Variants in EIPR1 observed in about 807,000 individuals in gnomAD.
EIPR1 encodes the protein EARP and GARP complex-interacting protein 1.
EIPR1 carries 25 observed loss-of-function variants against 48.1 expected under a neutral mutation model. The observed-to-expected ratio is 0.52, with a 90% CI of 0.38 to 0.73. The LOEUF (loss-of-function observed/expected upper bound fraction) is 0.73, where lower values mean the gene tolerates loss of function less well. EIPR1 is among the 30% of genes least tolerant of loss of function. The pLI is 0.00. For synonymous variants in EIPR1, 204 were observed against 201.9 expected, an observed-to-expected ratio of 1.01 and a Z score of -0.09; for missense variants, 415 against 506.2, an observed-to-expected ratio of 0.82 and a Z score of 1.73.
At chr2:3,362,297 C>T (rs539618102) in intron 1 of EIPR1, among the ~76,000 whole-genome samples, 1 of 152,132 alleles carries the variant, frequency 6.6e-6, no homozygotes, top group Non-Finnish European at 1.5e-5. Context: ...TCCAGCCTGC[C>T]CCATTCATTC....
intron 7 of EIPR1, 35 bp from the exon 8 acceptor site, chr2:3,192,616 T>C (rs770640245): frequency 3.7e-6 from 6 of 1,603,164 alleles, no homozygotes; most frequent in Non-Finnish European, 4.3e-6. Context: ...AAATGAACTG[T>C]CACCCGCAGG....
intron 4 of EIPR1, among the ~76,000 whole-genome samples, chr2:3,222,488 AG>A (rs1383128339): frequency 6.6e-6 from 1 of 151,908 alleles, no homozygotes; most frequent in Non-Finnish European, 1.5e-5. Flanking sequence ...AAGCAAAAAA[AG>A]GCTTAAAGAC....
chr2:3,265,515 A>G (rs1667459631), intron 3 of EIPR1, among the ~76,000 whole-genome samples: 1 of 152,222 alleles, frequency 6.6e-6, no homozygotes, highest in African/African-American at 2.4e-5. Context: ...TTAGAAGGCA[A>G]ATGCTGTTAA....
intron 4 of EIPR1, among the ~76,000 whole-genome samples, chr2:3,217,804 A>G (rs1338465154): frequency 6.6e-6 from 1 of 152,036 alleles, no homozygotes; most frequent in African/African-American, 2.4e-5. Context: ...CCTGGGCCCC[A>G]CCCGAGAATC....
chr2:3,246,646 A>G (rs902946758), intron 4 of EIPR1, among the ~76,000 whole-genome samples: 1 of 152,092 alleles, frequency 6.6e-6, no homozygotes, highest in Non-Finnish European at 1.5e-5. Context: ...TGGACATGTC[A>G]GAGAAACACA....
intron 3 of EIPR1, chr2:3,301,391 G>A (rs550682710): frequency 6.6e-6 from 1 of 152,166 alleles, no homozygotes; most frequent in East Asian, 1.9e-4. Flanking sequence ...TGAACACTGA[G>A]GAGTCTCCCA....
At chr2:3,257,267 G>GT in intron 4 of EIPR1, 32 bp downstream of exon 4, 2 of 1,600,668 alleles carry the variant, frequency 1.2e-6, no homozygotes, top group Non-Finnish European at 1.7e-6. Context: ...CTGCAGGCTC[G>GT]TTCTGGGCGC....
At chr2:3,310,107 C>T (rs1184153283) in intron 3 of EIPR1, among the ~76,000 whole-genome samples, 1 of 152,192 alleles carries the variant, frequency 6.6e-6, no homozygotes, top group Non-Finnish European at 1.5e-5. Flanking sequence ...GGTCACCACA[C>T]TCTGTTAGAG....
intron 4 of EIPR1, among the ~76,000 whole-genome samples, chr2:3,220,858 G>A (rs12987362): frequency 0.92 from 135,587 of 147,432 alleles, 62,557 homozygotes; most frequent in East Asian, 0.98. Flanking sequence ...ACACACGTAC[G>A]CAATGGCCGA....
At chr2:3,368,892 C>T (rs543106082) in intron 1 of EIPR1, among the ~76,000 whole-genome samples, 71 of 152,286 alleles carry the variant, frequency 4.7e-4, no homozygotes, top group Non-Finnish European at 8.5e-4. Context: ...AACGACCCTC[C>T]GTGTTGGTCT....
intron 4 of EIPR1, among the ~76,000 whole-genome samples, chr2:3,240,476 CCAG>C (rs1285820145): frequency 6.7e-6 from 1 of 150,156 alleles, no homozygotes; most frequent in Non-Finnish European, 1.5e-5. Flanking sequence ...TCAAGAAAAG[CCAG>C]CAGATCCCTC....
intron 3 of EIPR1, among the ~76,000 whole-genome samples, chr2:3,325,922 C>A (rs535508965): frequency 6.6e-6 from 1 of 152,376 alleles, no homozygotes; most frequent in Admixed American, 6.5e-5. Context: ...TTAAGAAGCT[C>A]CCATCATGGA....
chr2:3,265,340 G>T (rs933409008), intron 3 of EIPR1, among the ~76,000 whole-genome samples: 1 of 152,176 alleles, frequency 6.6e-6, no homozygotes, highest in African/African-American at 2.4e-5. Flanking sequence ...AGAGGCAGAT[G>T]AAATGGAAGG....
intron 5 of EIPR1, among the ~76,000 whole-genome samples, chr2:3,197,573 C>A (rs1346996475): frequency 6.6e-6 from 1 of 152,224 alleles, no homozygotes; most frequent in Non-Finnish European, 1.5e-5. Context: ...AGGGCTAAAA[C>A]CTCCCCCTGC....
At chr2:3,259,074 A>C (rs938349149) in intron 3 of EIPR1, among the ~76,000 whole-genome samples, 3 of 152,326 alleles carry the variant, frequency 2.0e-5, no homozygotes, top group Non-Finnish European at 2.9e-5. Context: ...TGAATGCCTA[A>C]CCCACTAGCA....
intron 4 of EIPR1, among the ~76,000 whole-genome samples, chr2:3,238,958 C>G (rs1666505310): frequency 6.6e-6 from 1 of 152,248 alleles, no homozygotes; most frequent in Non-Finnish European, 1.5e-5. Context: ...CCAGAGGCTT[C>G]CTTCCAGGAC....
chr2:3,225,546 G>T (rs527636806), intron 4 of EIPR1, among the ~76,000 whole-genome samples: 1 of 152,146 alleles, frequency 6.6e-6, no homozygotes, highest in Non-Finnish European at 1.5e-5. Context: ...ACGCCTGGCC[G>T]CAATGTGATG....
chr2:3,345,174 T>C (rs1188391230), intron 2 of EIPR1, among the ~76,000 whole-genome samples: 1 of 152,162 alleles, frequency 6.6e-6, no homozygotes, highest in Admixed American at 6.5e-5. Flanking sequence ...GTCACTGGAA[T>C]GCCACCAGCT....
chr2:3,274,484 G>T (rs1667790020), intron 3 of EIPR1: 2 of 1,517,996 alleles, frequency 1.3e-6, no homozygotes, highest in Non-Finnish European at 1.8e-6. Context: ...GGCATGTTAA[G>T]GTAAATCAAG....
Sources: allele counts gnomAD v4.1 joint callset (sites outside exome capture counted in the v4.1 genomes callset), GRCh38; gene constraint gnomAD v4.1.1; transcripts MANE v1.5; gene names NCBI Gene and HGNC (gene_info 2026-07-23, HGNC 2026-07-21).